Variants in CDC5L observed in about 807,000 individuals in gnomAD.
The protein encoded by CDC5L is cell division cycle 5-like protein.
Under a neutral mutation model 104.1 loss-of-function variants are expected in CDC5L, and 18 were observed. The ratio of observed to expected loss-of-function variants is 0.17; its 90% CI spans 0.12 to 0.26. CDC5L has a LOEUF of 0.26. Among genes scored for constraint, CDC5L ranks in the 10% least tolerant of loss-of-function variants. CDC5L has a pLI of 1.00. For synonymous variants in CDC5L, 331 were observed against 322.7 expected (o/e 1.03, Z -0.28); for missense variants, 673 against 956.9 (o/e 0.70, Z 3.91).
chr6:44,414,392 G>C (rs1265327581), intron 8 of CDC5L, among the ~76,000 whole-genome samples: 2 of 139,988 alleles, frequency 1.4e-5, no homozygotes, highest in Admixed American at 1.4e-4. Context: ...CTGTGTGTGT[G>C]TGTGTGTGTG....
At position 44,422,762 on chromosome 6, in the gene CDC5L, G is replaced by A. The variant is rs770063828; in HGVS notation, c.1357G>A (p.Glu453Lys). ...PLRDKLNINP[E>K]DGMADYSDPS... ...TCGAGACAAGTTAAACATTAATCCC[G>A]AGGATGGAATGGCAGACTATAGTGA... The change falls in exon 10 of 16, where the codon GAG becomes AAG. Residue 453 changes from glutamate to lysine, a missense_variant. Glu to Lys is a moderately conservative substitution (Grantham distance 56). Around this residue, in one of 4 missense-constraint regions of CDC5L, gnomAD observed 578 missense variants for 737.0 expected, o/e 0.78. Coordinates refer to ENST00000371477, the MANE Select transcript of CDC5L (RefSeq NM_001253.4). 3.7e-6 allele frequency: 6 copies of A among 1,612,820 alleles called. No homozygotes were observed. The highest frequency in any genetic ancestry group is 3.3e-5 in the Admixed American group (2 of 59,960).
chr6:44,428,696 G>A (rs1030926694), intron 13 of CDC5L, among the ~76,000 whole-genome samples: 1 of 152,154 alleles, frequency 6.6e-6, no homozygotes, highest in Non-Finnish European at 1.5e-5. Context: ...ACCCAGGCCT[G>A]TCCAGCTTTC....
chr6:44,434,968 A>G (rs887537290), intron 14 of CDC5L, among the ~76,000 whole-genome samples: 25 of 152,148 alleles, frequency 1.6e-4, no homozygotes, highest in African/African-American at 4.8e-4. Flanking sequence ...GCGTCTTTCT[A>G]TAAATAATAC....
chr6:44,405,415 G>T (rs758418735), intron 6 of CDC5L, among the ~76,000 whole-genome samples: 11 of 152,170 alleles, frequency 7.2e-5, no homozygotes, highest in Non-Finnish European at 1.3e-4. Context: ...AGTACTAAGT[G>T]GGGGAGGCAA....
In CDC5L at chr6:44,408,616, A is replaced by G; in HGVS notation, c.1076A>G (p.Gln359Arg). 1 of 1,601,316 alleles carries G rather than the reference A, an allele frequency of 6.2e-7. No individual in the cohort carries two copies. The highest frequency in any genetic ancestry group is 2.2e-5 in the East Asian group (1 of 44,570). Residue 359 changes from glutamine (Q) to arginine (R), a missense_variant, in exon 8 of 16, where the codon CAG (glutamine) becomes CGG (arginine). Gln to Arg is a conservative substitution (Grantham distance 43). Transcript: ENST00000371477. ...ALRTPRTPAS[Q>R]DRILQEAQNL... is the part of the protein sequence containing the mutation. ...AGAACACCACGAACACCAGCTTCCC[A>G]GGACAGAATTCTGCAGGTAACGTGT...
intron 2 of CDC5L, among the ~76,000 whole-genome samples, chr6:44,391,721 A>G (rs1312437145): frequency 3.3e-5 from 5 of 152,186 alleles, no homozygotes; most frequent in Non-Finnish European, 5.9e-5. Flanking sequence ...CAGAATGTAG[A>G]AATTGGCCAG....
At chr6:44,413,403 A>T (rs1028321862) in intron 8 of CDC5L, among the ~76,000 whole-genome samples, 5 of 152,152 alleles carry the variant, frequency 3.3e-5, no homozygotes, top group African/African-American at 1.2e-4. Flanking sequence ...GCTGATAGAC[A>T]CTTGAGTTGT....
intron 14 of CDC5L, among the ~76,000 whole-genome samples, chr6:44,442,845 A>C (rs574128879): frequency 6.6e-6 from 1 of 152,168 alleles, no homozygotes; most frequent in Admixed American, 6.5e-5. Flanking sequence ...ATAAATTTTC[A>C]TGTTATTAAT....
chr6:44,409,382 T>C (rs1791530148), intron 8 of CDC5L, among the ~76,000 whole-genome samples: 1 of 152,264 alleles, frequency 6.6e-6, no homozygotes, highest in Non-Finnish European at 1.5e-5. Context: ...ATACATTTTC[T>C]ATTCCCCTAT....
rs1266480355 is a variant in CDC5L at position 44,450,278 on chromosome 6, A to AAG, written c.*3567_*3568insAG. 1 of 152,216 alleles carries AAG rather than the reference A, an allele frequency of 6.6e-6. No individual in the cohort carries two copies. The highest frequency in any genetic ancestry group is 1.5e-5 in the Non-Finnish European group (1 of 68,030). 9.4% of individuals were successfully genotyped at this position (152,216 alleles called of 1,614,324 possible). A position where few individuals can be genotyped will look rare whatever the true frequency, so the allele number is the denominator to read the frequency against. ...AACATGGGAATGATTTGTTCATGAA[A>AAG]GGTTGAAAGTCTGTACTTACAGAAC... On this transcript the variant is annotated 3_prime_UTR_variant, in exon 16 of 16. Transcript: ENST00000371477.
intron 14 of CDC5L, among the ~76,000 whole-genome samples, chr6:44,438,110 G>A (rs1189680615): frequency 6.6e-6 from 1 of 152,128 alleles, no homozygotes; most frequent in Non-Finnish European, 1.5e-5. Context: ...CACTATGTCT[G>A]GCTAATTTTT....
chr6:44,404,048 T>C, intron 6 of CDC5L, 21 bp downstream of exon 6: 1 of 1,576,234 alleles, frequency 6.3e-7, no homozygotes, highest in Non-Finnish European at 8.7e-7. Flanking sequence ...TTTCTGATTT[T>C]GGAAATGGAA....
intron 14 of CDC5L, among the ~76,000 whole-genome samples, chr6:44,439,935 G>A (rs965453897): frequency 3.5e-4 from 54 of 152,260 alleles, no homozygotes; most frequent in African/African-American, 1.2e-3. Context: ...CTCTTACCCC[G>A]CTGTACTGTA....
At chr6:44,437,636 A>G (rs749566515) in intron 14 of CDC5L, among the ~76,000 whole-genome samples, 2 of 152,068 alleles carry the variant, frequency 1.3e-5, no homozygotes, top group African/African-American at 2.4e-5. Context: ...TGGTTTGAGT[A>G]TAAGAAATGA....
chr6:44,400,054 C>A (rs1791048663), intron 5 of CDC5L, among the ~76,000 whole-genome samples: 1 of 151,492 alleles, frequency 6.6e-6, no homozygotes, highest in South Asian at 2.1e-4. Flanking sequence ...TGAGAATTTC[C>A]ATTTGGTTCT....
intron 8 of CDC5L, among the ~76,000 whole-genome samples, chr6:44,411,637 A>AGAGAGTGTGT: frequency 8.1e-6 from 1 of 123,646 alleles, no homozygotes; most frequent in Non-Finnish European, 1.7e-5. Context: ...AGAGAGAGAG[A>AGAGAGTGTGT]GTGTGTGTGT....
Position 44,403,664 on chromosome 6 carries a change from A to G in CDC5L, c.540-145A>G. ...TGTGCACCTTTAAATTAAAACTAGG[A>G]TTTGTTTTGGTGAATGGTGTGAGGT... is the stretch of plus-strand genomic sequence containing the variant. On this transcript the variant is annotated intron_variant, in intron 5 of 15. Transcript: ENST00000371477. 4.9e-6 allele frequency: 3 copies of G among 615,544 alleles called. No homozygotes were observed. The East Asian group carries it at 8.6e-5, about 18-fold the overall frequency. The allele number at this position is 615,544 out of a possible 1,614,324, so 38.1% of individuals were successfully genotyped here.
chr6:44,447,062 G>A lies in CDC5L; in HGVS notation c.*351G>A, dbSNP rs143762164. 1.2e-5 allele frequency: 2 copies of A among 160,352 alleles called. No homozygotes were observed. Among genetic ancestry groups the A allele is most frequent in the East Asian group, 3.6e-4 (2 of 5,508 alleles). 9.9% of individuals were successfully genotyped at this position (160,352 alleles called of 1,614,324 possible). A position where few individuals can be genotyped will look rare whatever the true frequency, so the allele number is the denominator to read the frequency against. ...AAATTGAGAATGTAGCCTTTTGTTT[G>A]AAGTAATTAGATACTTAAGAGTGCC... On this transcript the variant is annotated 3_prime_UTR_variant, in exon 16 of 16. Transcript: ENST00000371477.
intron 7 of CDC5L, among the ~76,000 whole-genome samples, chr6:44,406,747 C>T (rs949653047): frequency 2.6e-5 from 4 of 152,076 alleles, no homozygotes; most frequent in Non-Finnish European, 5.9e-5. Context: ...AACCCTGTCT[C>T]TACTGAAAAT....
Sources: gnomAD v4.1 joint callset for allele counts (sites outside exome capture counted in the v4.1 genomes callset) on GRCh38, gnomAD v4.1.1 for gene constraint, gnomAD v4.1.1 regional missense constraint, MANE v1.5 for transcripts, NCBI Gene and HGNC (gene_info 2026-07-23, HGNC 2026-07-21) for gene names.